The following NRXN1 variants were observed in gnomAD, a reference collection of about 807,000 sequenced individuals.
The protein encoded by NRXN1 is neurexin 1.
NRXN1 carries 39 observed loss-of-function variants against 150.9 expected under a neutral mutation model. The ratio of observed to expected loss-of-function variants is 0.26; its 90% CI spans 0.20 to 0.34. NRXN1 has a LOEUF of 0.34. Among genes scored for constraint, NRXN1 ranks in the 10% least tolerant of loss-of-function variants. The probability of loss-of-function intolerance (pLI) is 1.00; values close to 1 mark genes in which losing one functional copy is unlikely to be tolerated. For missense variants in NRXN1, 1,815 were observed against 1,949.9 expected (o/e 0.93, Z 1.30); for synonymous variants, 924 against 757.0 (o/e 1.22, Z -3.62).
At chr2:50,940,536 C>A (rs1435591975) in intron 2 of NRXN1, among the ~76,000 whole-genome samples, 4 of 151,512 alleles carry the variant, frequency 2.6e-5, no homozygotes, top group Non-Finnish European at 5.9e-5. Flanking sequence ...ACAACATAAC[C>A]TTGTGCTCTC....
At chr2:50,239,720 G>T (rs1173866763) in intron 17 of NRXN1, among the ~76,000 whole-genome samples, 5 of 87,646 alleles carry the variant, frequency 5.7e-5, no homozygotes, top group Admixed American at 1.4e-4. Context: ...ATATATTTAT[G>T]ACAGAAATAT....
chr2:50,032,120 TA>T, intron 21 of NRXN1, among the ~76,000 whole-genome samples: 1 of 152,116 alleles, frequency 6.6e-6, no homozygotes, highest in African/African-American at 2.4e-5. Context: ...ATAGATATGC[TA>T]TTTTACTGTT....
intron 18 of NRXN1, among the ~76,000 whole-genome samples, chr2:50,096,925 T>G (rs1426717787): frequency 6.6e-6 from 1 of 152,202 alleles, no homozygotes; most frequent in Non-Finnish European, 1.5e-5. Flanking sequence ...GATTAAGATT[T>G]AATGGTGTAA....
intron 15 of NRXN1, among the ~76,000 whole-genome samples, chr2:50,486,407 T>C (rs371718578): frequency 2.0e-5 from 3 of 152,226 alleles, no homozygotes; most frequent in African/African-American, 7.2e-5. Context: ...GATTCACACA[T>C]GTCGCAGCCA....
intron 2 of NRXN1, among the ~76,000 whole-genome samples, chr2:50,957,297 C>G (rs1273627214): frequency 6.6e-6 from 1 of 152,126 alleles, no homozygotes; most frequent in Non-Finnish European, 1.5e-5. Context: ...TAATCTCTCT[C>G]AGCTTCATTT....
chr2:50,245,553 C>G (rs1433534798), intron 17 of NRXN1, among the ~76,000 whole-genome samples: 2 of 151,816 alleles, frequency 1.3e-5, no homozygotes, highest in African/African-American at 4.8e-5. Flanking sequence ...TAAGAAAAAT[C>G]TATTTTGAAG....
intron 18 of NRXN1, among the ~76,000 whole-genome samples, chr2:50,175,912 T>A (rs778330929): frequency 2.6e-5 from 4 of 152,090 alleles, no homozygotes; most frequent in Non-Finnish European, 5.9e-5. Context: ...AGAGAAGCCA[T>A]CACCAGAAGA....
intron 17 of NRXN1, among the ~76,000 whole-genome samples, chr2:50,265,995 A>ATTTTTT (rs1491084411): frequency 2.6e-5 from 2 of 76,860 alleles, no homozygotes; most frequent in African/African-American, 1.5e-4. Flanking sequence ...TATTATTATT[A>ATTTTTT]TTATTTATTT....
chr2:50,812,523 C>A lies in NRXN1; in HGVS notation c.832+109346G>T, dbSNP rs75025809. Among the ~76,000 whole-genome samples the A allele has an allele frequency of 6.7e-3, 1,014 of 152,066 alleles. 26 individuals are homozygous for A. In the East Asian group the frequency reaches 0.071, roughly 11 times the overall value. On this transcript the variant is annotated intron_variant, in intron 5 of 22. Transcript: ENST00000401669. ...TCTTAGTAAACAGGAACTATGTATT[C>A]ATTACAAACATATTGATAGATGTGT...
intron 18 of NRXN1, chr2:50,199,381 G>A (rs1282227129): frequency 2.0e-5 from 3 of 152,006 alleles, no homozygotes; most frequent in African/African-American, 7.2e-5. Flanking sequence ...GAAATATACT[G>A]TTTTTGGAAC....
chr2:50,234,437 T>C (rs1021493800), intron 18 of NRXN1, among the ~76,000 whole-genome samples: 3 of 151,954 alleles, frequency 2.0e-5, no homozygotes, highest in Non-Finnish European at 2.9e-5. Context: ...AAGGTTGCAG[T>C]GAACTGAGAT....
chr2:50,682,521 C>T (rs1690557052), intron 5 of NRXN1, among the ~76,000 whole-genome samples: 1 of 152,134 alleles, frequency 6.6e-6, no homozygotes. Flanking sequence ...ACTTGGTTGA[C>T]ACACATATGA....
At chr2:50,368,208 G>C (rs1293637318) in intron 17 of NRXN1, among the ~76,000 whole-genome samples, 2 of 151,900 alleles carry the variant, frequency 1.3e-5, no homozygotes, top group Non-Finnish European at 1.5e-5. Flanking sequence ...GACCCATACA[G>C]GACAGAAGAT....
intron 21 of NRXN1, among the ~76,000 whole-genome samples, chr2:49,973,575 C>G (rs1678344822): frequency 6.6e-6 from 1 of 151,870 alleles, no homozygotes; most frequent in African/African-American, 2.4e-5. Context: ...TTTATTCATG[C>G]TTTTACTTGA....
chr2:49,976,431 T>C (rs566999653), intron 21 of NRXN1, among the ~76,000 whole-genome samples: 4 of 152,124 alleles, frequency 2.6e-5, no homozygotes, highest in African/African-American at 9.7e-5. Context: ...GACTGAGACA[T>C]AGTTTTATTA....
chr2:50,099,194 A>G (rs898883792), intron 18 of NRXN1, among the ~76,000 whole-genome samples: 3 of 151,926 alleles, frequency 2.0e-5, no homozygotes, highest in African/African-American at 4.8e-5. Flanking sequence ...TCCTCCACAC[A>G]CTGCCTTAGG....
intron 17 of NRXN1, among the ~76,000 whole-genome samples, chr2:50,465,217 T>A: frequency 6.6e-6 from 1 of 151,874 alleles, no homozygotes; most frequent in Middle Eastern, 3.4e-3. Context: ...AATTAAAAAA[T>A]AACAATAAAC....
intron 18 of NRXN1, among the ~76,000 whole-genome samples, chr2:50,180,994 T>C (rs2060674263): frequency 6.6e-6 from 1 of 152,174 alleles, no homozygotes; most frequent in African/African-American, 2.4e-5. Context: ...GGTTTTCTTT[T>C]ATATTTGTGT....
At chr2:50,188,836 A>C (rs1267957753) in intron 18 of NRXN1, among the ~76,000 whole-genome samples, 1 of 152,200 alleles carries the variant, frequency 6.6e-6, no homozygotes, top group Non-Finnish European at 1.5e-5. Flanking sequence ...CATGCCAGTC[A>C]GAACAGAGAT....
Sources: allele counts gnomAD v4.1 joint callset (sites outside exome capture counted in the v4.1 genomes callset), GRCh38; gene constraint gnomAD v4.1.1; transcripts MANE v1.5; gene names NCBI Gene and HGNC (gene_info 2026-07-23, HGNC 2026-07-21).